POLR2C: variants seen among roughly 807,000 people sequenced by gnomAD.
POLR2C encodes the protein RNA polymerase II subunit C.
POLR2C carries 36 observed loss-of-function variants against 41.7 expected under a neutral mutation model. The observed-to-expected ratio is 0.86, with a 90% CI of 0.66 to 1.14. The LOEUF is 1.14. Among genes scored for constraint, POLR2C ranks in the 50% most tolerant of loss-of-function variants. POLR2C has a pLI of 0.00. For missense variants in POLR2C, 260 were observed against 350.4 expected (o/e 0.74, Z 2.06); for synonymous variants, 133 against 137.8 (o/e 0.96, Z 0.25).
intron 2 of POLR2C, among the ~76,000 whole-genome samples, chr16:57,465,036 G>A (rs970732800): frequency 6.6e-5 from 10 of 152,298 alleles, no homozygotes; most frequent in African/African-American, 1.4e-4. Context: ...CACATCTGTA[G>A]CATAGAGAGC....
Position 57,469,477 on chromosome 16 carries a change from T to C in POLR2C, c.387+184T>C. On this transcript the variant is annotated intron_variant, in intron 5 of 8. Transcript: ENST00000219252. The surrounding 1 kb of genome is among the most constrained non-coding windows in gnomAD (Gnocchi z 5.8). ...TGGGCATCGTTAGCATCGTTGGTGC[T>C]GCGCACCCTCTATCACCCAGGGACT... The C allele has an allele frequency of 1.3e-6, 1 of 749,218 alleles. No individual in the cohort carries two copies. The highest frequency in any genetic ancestry group is 2.3e-6 in the Non-Finnish European group (1 of 436,386). The allele number at this position is 749,218 out of a possible 1,614,324, so 46.4% of individuals were successfully genotyped here. A position where few individuals can be genotyped will look rare whatever the true frequency, so the allele number is the denominator to read the frequency against.
chr16:57,470,371 A>G lies in POLR2C; in HGVS notation c.683+17A>G, dbSNP rs72788062. 0.024 allele frequency: 37,282 copies of G among 1,580,226 alleles called. 497 individuals are homozygous for G. Among genetic ancestry groups the G allele is most frequent in the South Asian group, 0.03 (2,601 of 87,726 alleles). On this transcript the variant is annotated intron_variant, in intron 8 of 8. Coordinates refer to ENST00000219252, the MANE Select transcript of POLR2C (RefSeq NM_032940.3). Reference sequence around the variant, plus strand: ...GCCAGAAAGGTAAGAGCCTGGTTGGACATGGGAAGGTGAAGTGTGGAAGAA... The same window carrying G: ...GCCAGAAAGGTAAGAGCCTGGTTGGGCATGGGAAGGTGAAGTGTGGAAGAA...
At chr16:57,466,605 G>A (rs1181222540) in intron 4 of POLR2C, among the ~76,000 whole-genome samples, 1 of 152,158 alleles carries the variant, frequency 6.6e-6, no homozygotes, top group Non-Finnish European at 1.5e-5. Flanking sequence ...AGCTCCTGGG[G>A]GACTAGTCCT....
rs549511613 is a variant in POLR2C, at chr16:57,466,982, C to G, written c.258+755C>G. On this transcript the variant is annotated intron_variant, in intron 4 of 8. Coordinates refer to ENST00000219252, the MANE Select transcript of POLR2C (RefSeq NM_032940.3). ...GATGCAGTGGCTCACACCTGTAATC[C>G]CAGCACTTTGGGAGGCCGAGGCGGG... Among the ~76,000 whole-genome samples, 38 of 152,156 alleles carry G rather than the reference C, an allele frequency of 2.5e-4. No individual in the cohort carries two copies. The East Asian group carries it at 7.1e-3, about 29-fold the overall frequency.
chr16:57,467,089 C>T (rs1039672801), intron 4 of POLR2C, among the ~76,000 whole-genome samples: 4 of 152,074 alleles, frequency 2.6e-5, no homozygotes, highest in East Asian at 1.9e-4. Context: ...AAATATTAGC[C>T]GAGCGTGGTC....
At chr16:57,467,430 T>TAAAGCATACATAAAG (rs2030737160) in intron 4 of POLR2C, among the ~76,000 whole-genome samples, 1 of 152,354 alleles carries the variant, frequency 6.6e-6, no homozygotes, top group South Asian at 2.1e-4. Flanking sequence ...TTTGGCGATA[T>TAAAGCATACATAAAG]CTTACATAAA....
rs544667779 is a variant in POLR2C at position 57,467,133 on chromosome 16, T to C, written c.258+906T>C. Among the ~76,000 whole-genome samples the C allele has an allele frequency of 3.0e-3, 450 of 152,196 alleles. 3 individuals are homozygous for C. The highest frequency in any genetic ancestry group is 0.01 in the South Asian group (49 of 4,812). On this transcript the variant is annotated intron_variant, in intron 4 of 8. Coordinates refer to ENST00000219252, the MANE Select transcript of POLR2C (RefSeq NM_032940.3). ...AAGTAGTCCCAGCTACTCGGGAGGC[T>C]GAGGCAGGAGAATGGCATGAACCCG... is the stretch of plus-strand genomic sequence containing the variant.
chr16:57,469,434 C>G lies in POLR2C; in HGVS notation c.387+141C>G, dbSNP rs1156586352. ...TGCCTTAATCTGATCCCTAGAAGTG[C>G]TAATTCTGGATTCCTCTTGGGCATC... On this transcript the variant is annotated intron_variant, in intron 5 of 8. Coordinates refer to ENST00000219252, the MANE Select transcript of POLR2C (RefSeq NM_032940.3). The surrounding 1 kb of genome is among the most constrained non-coding windows in gnomAD (Gnocchi z 5.8). The G allele has an allele frequency of 3.2e-6, 3 of 940,256 alleles. No individual in the cohort carries two copies. The highest frequency in any genetic ancestry group is 3.4e-6 in the Non-Finnish European group (2 of 593,036). The allele number at this position is 940,256 out of a possible 1,614,324, so 58.2% of individuals were successfully genotyped here.
Position 57,469,414 on chromosome 16 carries a change from T to A in POLR2C, c.387+121T>A. On this transcript the variant is annotated intron_variant, in intron 5 of 8. Coordinates refer to ENST00000219252, the MANE Select transcript of POLR2C (RefSeq NM_032940.3). The surrounding 1 kb of genome is among the most constrained non-coding windows in gnomAD (Gnocchi z 5.8). ...TGGCTTTCCCTGTTACCCTCTGCCT[T>A]AATCTGATCCCTAGAAGTGCTAATT... 2 of 1,099,946 alleles carry A rather than the reference T, an allele frequency of 1.8e-6. No homozygotes were observed. The highest frequency in any genetic ancestry group is 2.8e-6 in the Non-Finnish European group (2 of 725,746). The allele number at this position is 1,099,946 out of a possible 1,614,324, so 68.1% of individuals were successfully genotyped here. A position where few individuals can be genotyped will look rare whatever the true frequency, so the allele number is the denominator to read the frequency against.
chr16:57,470,902 A>C, intron 8 of POLR2C, 73 bp from the exon 9 acceptor site: 1 of 1,438,250 alleles, frequency 7.0e-7, no homozygotes, highest in Non-Finnish European at 9.7e-7. Context: ...GGAAGGAGGA[A>C]GGGTTGTCCA....
chr16:57,470,417 C>T (rs971659010), intron 8 of POLR2C, 63 bp downstream of exon 8: 12 of 1,262,876 alleles, frequency 9.5e-6, no homozygotes, highest in African/African-American at 6.1e-5. Context: ...TGGTTCAGGC[C>T]GTGAGTTAGG....
Position 57,469,537 on chromosome 16 carries a change from T to C in POLR2C, c.388-173T>C. ...GCCATGGAATTGTTTTGCCTGAGGCTACCACCACACCCTGAAGTGGGGGTT... is the reference window on the plus strand; with the variant it reads ...GCCATGGAATTGTTTTGCCTGAGGCCACCACCACACCCTGAAGTGGGGGTT... On this transcript the variant is annotated intron_variant, in intron 5 of 8. Coordinates refer to ENST00000219252, the MANE Select transcript of POLR2C (RefSeq NM_032940.3). The surrounding 1 kb of genome is among the most constrained non-coding windows in gnomAD (Gnocchi z 5.8). 1.3e-6 allele frequency: 1 copy of C among 741,836 alleles called. No individual in the cohort carries two copies. The highest frequency in any genetic ancestry group is 1.6e-5 in the South Asian group (1 of 62,624). The allele number at this position is 741,836 out of a possible 1,614,324, so 46.0% of individuals were successfully genotyped here.
intron 4 of POLR2C, among the ~76,000 whole-genome samples, chr16:57,467,926 C>T (rs1210735517): frequency 3.9e-5 from 6 of 152,176 alleles, no homozygotes; most frequent in African/African-American, 1.4e-4. Context: ...ACAGACTCCT[C>T]TCCTTTCAGT....
At position 57,471,167 on chromosome 16, in the gene POLR2C, G is replaced by A. The variant is rs1305840322; in HGVS notation, c.*48G>A. ...AAAACGGAGATTCAGGCCAGCAGCT[G>A]GATATGGGGGTCTCTCTTCAGACTC... On this transcript the variant is annotated 3_prime_UTR_variant, in exon 9 of 9. Transcript: ENST00000219252. 6.5e-7 allele frequency: 1 copy of A among 1,530,674 alleles called. No individual in the cohort carries two copies. The highest frequency in any genetic ancestry group is 9.0e-7 in the Non-Finnish European group (1 of 1,106,154). The allele number at this position is 1,530,674 out of a possible 1,614,324, so 94.8% of individuals were successfully genotyped here.
At chr16:57,462,944 G>A (rs1313786694) in intron 1 of POLR2C, 85 bp from the exon 2 acceptor site, 5 of 1,257,652 alleles carry the variant, frequency 4.0e-6, no homozygotes, top group Non-Finnish European at 5.6e-6. Flanking sequence ...CCCTGCACCA[G>A]GGCTTTAGCT....
chr16:57,464,036 AC>A (rs778673054), intron 2 of POLR2C: 13 of 157,926 alleles, frequency 8.2e-5, no homozygotes, highest in African/African-American at 2.4e-4. Flanking sequence ...TGCATCACTT[AC>A]TGCTTTTGTG....
At chr16:57,467,583 C>G (rs915731250) in intron 4 of POLR2C, among the ~76,000 whole-genome samples, 2 of 152,032 alleles carry the variant, frequency 1.3e-5, no homozygotes, top group Admixed American at 6.5e-5. Flanking sequence ...AAAATAATAC[C>G]CTTTACTTTT....
At chr16:57,466,708 G>C (rs1018134099) in intron 4 of POLR2C, among the ~76,000 whole-genome samples, 17 of 152,138 alleles carry the variant, frequency 1.1e-4, no homozygotes, top group African/African-American at 4.8e-5. Flanking sequence ...CCTCCTGGTC[G>C]TGTTTGCTCC....
At position 57,470,272 on chromosome 16, in the gene POLR2C, G is replaced by T; in HGVS notation, c.609-8G>T. ...GGCAACCTTGTGCTGACCTGTGTTT[G>T]ACCTCAGGCCAAAGAGTGAGTACTC... On this transcript the variant is annotated splice_region_variant and splice_polypyrimidine_tract_variant and intron_variant, in intron 7 of 8. Coordinates refer to ENST00000219252, the MANE Select transcript of POLR2C (RefSeq NM_032940.3). The T allele has an allele frequency of 1.9e-6, 3 of 1,612,988 alleles. No homozygotes were observed. The South Asian group carries it at 3.3e-5, about 18-fold the overall frequency.
Sources: gnomAD v4.1 joint callset for allele counts (sites outside exome capture counted in the v4.1 genomes callset) on GRCh38, gnomAD v4.1.1 for gene constraint, Gnocchi (gnomAD v3.1) non-coding constraint, MANE v1.5 for transcripts, NCBI Gene and HGNC (gene_info 2026-07-23, HGNC 2026-07-21) for gene names.